Variants in MACROD2 observed in about 807,000 individuals in gnomAD.
MACROD2 encodes mono-ADP ribosylhydrolase 2.
MACROD2 carries 36 observed loss-of-function variants against 70.4 expected under a neutral mutation model. That is an observed-to-expected ratio of 0.51 (90% CI 0.39 to 0.68). MACROD2 has a LOEUF of 0.68. Ranked by LOEUF, MACROD2 falls within the 30% of genes least tolerant of loss-of-function variation. The probability of loss-of-function intolerance (pLI) is 0.00; values close to 1 mark genes in which losing one functional copy is unlikely to be tolerated. For missense variants in MACROD2, 496 were observed against 538.4 expected (o/e 0.92, Z 0.78); for synonymous variants, 172 against 178.8 (o/e 0.96, Z 0.30).
chr20:15,070,723 A>G (rs1300305108), intron 5 of MACROD2, among the ~76,000 whole-genome samples: 3 of 152,262 alleles, frequency 2.0e-5, no homozygotes, highest in African/African-American at 7.2e-5. Context: ...CAGAAGCTGA[A>G]TGGATCGTGG....
At chr20:15,559,336 A>C (rs2048212528) in intron 8 of MACROD2, among the ~76,000 whole-genome samples, 1 of 152,200 alleles carries the variant, frequency 6.6e-6, no homozygotes, top group South Asian at 2.1e-4. Flanking sequence ...AATATTAAAT[A>C]AAGAATAGTC....
intron 8 of MACROD2, among the ~76,000 whole-genome samples, chr20:15,833,669 C>T (rs2064082175): frequency 6.6e-6 from 1 of 152,130 alleles, no homozygotes; most frequent in Non-Finnish European, 1.5e-5. Context: ...GGCTGTTGCT[C>T]TTTATAGAAA....
At chr20:15,194,488 C>G (rs897278092) in intron 5 of MACROD2, among the ~76,000 whole-genome samples, 1 of 152,036 alleles carries the variant, frequency 6.6e-6, no homozygotes, top group African/African-American at 2.4e-5. Flanking sequence ...GTAAAAATAA[C>G]GCAAACAATT....
Position 14,819,853 on chromosome 20 carries a change from A to G in MACROD2, c.418+134894A>G, listed in dbSNP as rs557918327. Reference sequence around the variant, plus strand: ...ACATTGAGTTCAGGAGGGAGAGTGGAGACAGAAGAAGCCGAGGAGATGGAA... The same window carrying G: ...ACATTGAGTTCAGGAGGGAGAGTGGGGACAGAAGAAGCCGAGGAGATGGAA... On this transcript the variant is annotated intron_variant, in intron 5 of 17. Coordinates refer to ENST00000684519, the MANE Select transcript of MACROD2 (RefSeq NM_001351661.2). 5.9e-5 allele frequency among the ~76,000 whole-genome samples: 9 copies of G among 152,146 alleles called. 1 individual carries two copies. The East Asian group carries it at 1.4e-3, about 23-fold the overall frequency.
intron 2 of MACROD2, among the ~76,000 whole-genome samples, chr20:14,037,235 T>G (rs2053324333): frequency 1.3e-5 from 2 of 152,192 alleles, no homozygotes; most frequent in South Asian, 4.1e-4. Context: ...GAAAACATGA[T>G]TGCAATTTTG....
intron 2 of MACROD2, among the ~76,000 whole-genome samples, chr20:14,056,275 A>G (rs1302812028): frequency 1.3e-5 from 2 of 151,874 alleles, no homozygotes; most frequent in Non-Finnish European, 2.9e-5. Context: ...CATTACATTT[A>G]TGTTATGTCT....
chr20:15,240,919 C>T (rs1313480037), intron 6 of MACROD2, among the ~76,000 whole-genome samples: 1 of 152,156 alleles, frequency 6.6e-6, no homozygotes, highest in African/African-American at 2.4e-5. Flanking sequence ...TGTCCAGAAC[C>T]TTGTTCTTGT....
chr20:15,454,734 AAT>A (rs1233583181), intron 7 of MACROD2, among the ~76,000 whole-genome samples: 11 of 131,408 alleles, frequency 8.4e-5, no homozygotes, highest in African/African-American at 8.3e-5. Flanking sequence ...TTATAAGCTT[AAT>A]AGAGACCCAG....
At chr20:14,327,140 A>T (rs1299178519) in intron 3 of MACROD2, 1 of 1,613,800 alleles carries the variant, frequency 6.2e-7, no homozygotes, top group South Asian at 1.1e-5. Flanking sequence ...TTTGAAAGTG[A>T]ATCATAAGTG....
At chr20:15,119,121 C>A (rs1240474828) in intron 5 of MACROD2, among the ~76,000 whole-genome samples, 2 of 152,154 alleles carry the variant, frequency 1.3e-5, no homozygotes, top group Non-Finnish European at 2.9e-5. Flanking sequence ...ATCGGAAGAC[C>A]TGGGAATATT....
chr20:14,078,483 T>G (rs1018933932), intron 2 of MACROD2, among the ~76,000 whole-genome samples: 1 of 152,038 alleles, frequency 6.6e-6, no homozygotes, highest in Non-Finnish European at 1.5e-5. Flanking sequence ...CTCGGCTCAC[T>G]GCAACCTCCA....
intron 8 of MACROD2, among the ~76,000 whole-genome samples, chr20:15,550,591 A>G (rs1259534899): frequency 2.0e-5 from 3 of 152,156 alleles, no homozygotes. Context: ...ATGAGCAATC[A>G]AGAAGTGACA....
At chr20:15,841,988 A>G (rs1030271376) in intron 8 of MACROD2, among the ~76,000 whole-genome samples, 1 of 152,090 alleles carries the variant, frequency 6.6e-6, no homozygotes, top group African/African-American at 2.4e-5. Context: ...ATGAACAGGA[A>G]TTGGGTAGGT....
intron 5 of MACROD2, among the ~76,000 whole-genome samples, chr20:14,993,991 T>G (rs2074928102): frequency 6.6e-6 from 1 of 152,172 alleles, no homozygotes; most frequent in Non-Finnish European, 1.5e-5. Flanking sequence ...AAAATGAAAC[T>G]ATCTCTTGTT....
At chr20:15,200,116 C>T (rs1267288325) in intron 5 of MACROD2, among the ~76,000 whole-genome samples, 1 of 152,132 alleles carries the variant, frequency 6.6e-6, no homozygotes, top group Admixed American at 6.5e-5. Flanking sequence ...CTCTGAAATG[C>T]GGCCTTCGTA....
At chr20:14,138,200 G>A (rs1169668060) in intron 3 of MACROD2, among the ~76,000 whole-genome samples, 1 of 152,130 alleles carries the variant, frequency 6.6e-6, no homozygotes, top group Admixed American at 6.5e-5. Flanking sequence ...ACAGTATGGA[G>A]GTTCCTTGAG....
chr20:14,161,338 C>A (rs2055185241), intron 3 of MACROD2, among the ~76,000 whole-genome samples: 1 of 151,602 alleles, frequency 6.6e-6, no homozygotes, highest in African/African-American at 2.4e-5. Context: ...TAGGTGCACG[C>A]CACCACACCC....
intron 3 of MACROD2, among the ~76,000 whole-genome samples, chr20:14,452,420 T>C (rs2122989423): frequency 6.6e-6 from 1 of 152,206 alleles, no homozygotes; most frequent in African/African-American, 2.4e-5. Flanking sequence ...AATGACAATA[T>C]CCATCTTATA....
At chr20:14,875,469 T>C (rs1271513550) in intron 5 of MACROD2, among the ~76,000 whole-genome samples, 2 of 152,192 alleles carry the variant, frequency 1.3e-5, no homozygotes, top group Non-Finnish European at 2.9e-5. Flanking sequence ...CTGGAAAGCA[T>C]TTAAGTATTT....
Sources: gnomAD v4.1 joint callset for allele counts (sites outside exome capture counted in the v4.1 genomes callset) on GRCh38, gnomAD v4.1.1 for gene constraint, MANE v1.5 for transcripts, NCBI Gene and HGNC (gene_info 2026-07-23, HGNC 2026-07-21) for gene names.